The following SYNE1 variants were observed in gnomAD, a reference collection of about 807,000 sequenced individuals.
SYNE1 encodes nesprin-1.
In SYNE1, 616 loss-of-function variants were observed where a neutral mutation model predicts 1,111.0. The observed-to-expected ratio is 0.55, with a 90% CI of 0.52 to 0.59. The LOEUF (loss-of-function observed/expected upper bound fraction) is 0.59. Among genes scored for constraint, SYNE1 ranks in the 20% least tolerant of loss-of-function variants. The pLI is 0.00. For synonymous variants in SYNE1, 3,855 were observed against 3,825.8 expected, an observed-to-expected ratio of 1.01 and a Z score of -0.28; for missense variants, 10,006 against 10,417.0, an observed-to-expected ratio of 0.96 and a Z score of 1.72.
chr6:152,533,700 T>C (rs1009035832), intron 4 of SYNE1, among the ~76,000 whole-genome samples: 14 of 152,180 alleles, frequency 9.2e-5, no homozygotes, highest in African/African-American at 2.7e-4. Context: ...GAAGAGCTTC[T>C]TGATCTTCTT....
intron 126 of SYNE1, 97 bp downstream of exon 126, chr6:152,206,071 T>C (rs2076448722): frequency 2.5e-6 from 3 of 1,198,580 alleles, no homozygotes; most frequent in Admixed American, 2.0e-5. Flanking sequence ...TATTATTTCA[T>C]GATCTTTGCA....
intron 32 of SYNE1, among the ~76,000 whole-genome samples, chr6:152,437,792 G>A (rs1224847131): frequency 6.6e-6 from 1 of 152,168 alleles, no homozygotes; most frequent in Non-Finnish European, 1.5e-5. Flanking sequence ...AATGAATAAT[G>A]TAGAAATATA....
In SYNE1 at chr6:152,201,961, A is replaced by G. The variant is rs369284284; in HGVS notation, c.23020-12T>C. The stretch of plus-strand genomic sequence containing the variant: ...CATTTTTCCCAGTCCTATCATGGGA[A>G]TAAAAACAAATAGCATAGATGTTTT... On this transcript the variant is annotated splice_polypyrimidine_tract_variant and intron_variant, in intron 126 of 145. Transcript: ENST00000367255. 5 of 1,613,674 alleles carry G rather than the reference A, an allele frequency of 3.1e-6. No individual in the cohort carries two copies. The highest frequency in any genetic ancestry group is 4.2e-6 in the Non-Finnish European group (5 of 1,179,868).
chr6:152,395,089 C>CTT (rs201231665), intron 51 of SYNE1, among the ~76,000 whole-genome samples: 3 of 148,462 alleles, frequency 2.0e-5, no homozygotes, highest in African/African-American at 7.4e-5. Context: ...GGCAAGCACT[C>CTT]TTTTTTTCTT....
At chr6:152,498,077 T>C (rs11963916) in intron 11 of SYNE1, among the ~76,000 whole-genome samples, 4,175 of 152,306 alleles carry the variant, frequency 0.027, 219 homozygotes, top group African/African-American at 0.096. Flanking sequence ...GATATGAAAT[T>C]AGTTGCTTCT....
At chr6:152,424,916 C>A (rs774670930) in intron 39 of SYNE1, among the ~76,000 whole-genome samples, 1 of 152,122 alleles carries the variant, frequency 6.6e-6, no homozygotes, top group African/African-American at 2.4e-5. Flanking sequence ...TTGTTAATCA[C>A]CTAGTTAATT....
chr6:152,157,812 G>A (rs1279384427), intron 131 of SYNE1, among the ~76,000 whole-genome samples: 2 of 150,262 alleles, frequency 1.3e-5, no homozygotes, highest in African/African-American at 4.9e-5. Flanking sequence ...AGGCTGGAGT[G>A]CAGTGGCATG....
At chr6:152,380,019 T>C (rs1003118233) in intron 56 of SYNE1, among the ~76,000 whole-genome samples, 2 of 152,230 alleles carry the variant, frequency 1.3e-5, no homozygotes, top group African/African-American at 2.4e-5. Flanking sequence ...CTGATTTCTA[T>C]GCTTTATTCT....
At chr6:152,570,640 G>T (rs1018649176) in intron 3 of SYNE1, among the ~76,000 whole-genome samples, 4 of 152,148 alleles carry the variant, frequency 2.6e-5, no homozygotes, top group African/African-American at 9.7e-5. Context: ...GGGATGGGTG[G>T]TGTGCTGCAC....
intron 104 of SYNE1, among the ~76,000 whole-genome samples, chr6:152,251,331 C>A (rs185213000): frequency 3.0e-3 from 451 of 152,154 alleles, no homozygotes; most frequent in Non-Finnish European, 4.0e-3. Context: ...GTTCATATTT[C>A]TGGAAGTCAG....
chr6:152,315,201 T>A (rs866122273), intron 87 of SYNE1: 6,993 of 46,372 alleles, frequency 0.15, 786 homozygotes, highest in African/African-American at 0.3. Context: ...TAGTAACTTT[T>A]TTTTTTTTTT....
chr6:152,515,152 GTGGAGGTTGCAGTGAGCC>G (rs1389996128), intron 6 of SYNE1, among the ~76,000 whole-genome samples: 1 of 151,754 alleles, frequency 6.6e-6, no homozygotes, highest in East Asian at 1.9e-4. Context: ...AACCTGAGAG[GTGGAGGTTGCAGTGAGCC>G]TAGTTTGTGC....
intron 8 of SYNE1, 117 bp from the exon 9 acceptor site, chr6:152,505,514 G>A: frequency 8.8e-7 from 1 of 1,130,324 alleles, no homozygotes; most frequent in East Asian, 2.5e-5. Flanking sequence ...AGCTGTATCA[G>A]TTCATTGTAT....
intron 2 of SYNE1, among the ~76,000 whole-genome samples, chr6:152,634,723 G>A (rs2758803): frequency 0.77 from 116,914 of 152,246 alleles, 45,355 homozygotes; most frequent in African/African-American, 0.89. Context: ...CATGAAAGAT[G>A]TTCAGTGTCA....
intron 3 of SYNE1, among the ~76,000 whole-genome samples, chr6:152,607,998 A>T (rs2099620725): frequency 6.6e-6 from 1 of 152,118 alleles, no homozygotes; most frequent in Non-Finnish European, 1.5e-5. Flanking sequence ...ACACACGGAC[A>T]CAGGGAGAGG....
chr6:152,186,883 T>A (rs2070279053), intron 128 of SYNE1, among the ~76,000 whole-genome samples: 1 of 152,216 alleles, frequency 6.6e-6, no homozygotes, highest in African/African-American at 2.4e-5. Context: ...TGAAGGTTGC[T>A]GTGATAATTT....
At chr6:152,403,010 C>T (rs2097845609) in intron 46 of SYNE1, among the ~76,000 whole-genome samples, 1 of 152,120 alleles carries the variant, frequency 6.6e-6, no homozygotes, top group South Asian at 2.1e-4. Context: ...CCTAATGGTA[C>T]TGCTGAACAA....
chr6:152,304,649 CAG>C (rs1269198916), intron 91 of SYNE1, among the ~76,000 whole-genome samples: 1 of 152,140 alleles, frequency 6.6e-6, no homozygotes, highest in Admixed American at 6.5e-5. Flanking sequence ...ATGAAGTAGA[CAG>C]AGTTAGTATT....
At chr6:152,561,697 G>A (rs529604140) in intron 3 of SYNE1, among the ~76,000 whole-genome samples, 2 of 152,016 alleles carry the variant, frequency 1.3e-5, no homozygotes, top group African/African-American at 4.8e-5. Context: ...AAACTGCATG[G>A]TACTGGCATA....
Sources: allele counts gnomAD v4.1 joint callset (sites outside exome capture counted in the v4.1 genomes callset), GRCh38; gene constraint gnomAD v4.1.1; transcripts MANE v1.5; gene names NCBI Gene and HGNC (gene_info 2026-07-23, HGNC 2026-07-21).